Variants in CTDSPL observed in about 807,000 individuals in gnomAD.
CTDSPL encodes CTD small phosphatase like.
CTDSPL carries 8 observed loss-of-function variants against 30.5 expected under a neutral mutation model. The observed-to-expected ratio is 0.26, with a 90% CI of 0.15 to 0.47. The LOEUF is 0.47. CTDSPL is among the 20% of genes least tolerant of loss of function. CTDSPL has a pLI of 0.99. For missense variants in CTDSPL, 248 were observed against 366.1 expected (o/e 0.68, Z 2.63); for synonymous variants, 110 against 137.9 (o/e 0.80, Z 1.42).
intron 7 of CTDSPL, among the ~76,000 whole-genome samples, chr3:37,976,714 A>G (rs1216722769): frequency 6.6e-6 from 1 of 152,130 alleles, no homozygotes; most frequent in Non-Finnish European, 1.5e-5. Context: ...CATGATGTCT[A>G]AAAAGCACCC....
intron 1 of CTDSPL, among the ~76,000 whole-genome samples, chr3:37,890,709 G>A (rs559651547): frequency 1.3e-5 from 2 of 152,278 alleles, no homozygotes; most frequent in African/African-American, 4.8e-5. Context: ...TCCAGGCTCC[G>A]TGCTCTGAGG....
intron 1 of CTDSPL, among the ~76,000 whole-genome samples, chr3:37,876,468 T>G (rs190452086): frequency 1.3e-5 from 2 of 152,198 alleles, no homozygotes; most frequent in East Asian, 3.9e-4. Context: ...TGCATCCTTG[T>G]CAGCACTTGA....
intron 1 of CTDSPL, among the ~76,000 whole-genome samples, chr3:37,880,899 A>T (rs1185510351): frequency 6.6e-6 from 1 of 152,132 alleles, no homozygotes; most frequent in African/African-American, 2.4e-5. Context: ...TTAGTGGCTT[A>T]TGGACCCTCT....
At chr3:37,965,411 G>A (rs1206693447) in intron 4 of CTDSPL, among the ~76,000 whole-genome samples, 1 of 151,980 alleles carries the variant, frequency 6.6e-6, no homozygotes, top group East Asian at 1.9e-4. Context: ...TTTTTTTGAC[G>A]TGAAATAAAT....
chr3:37,926,977 C>T (rs555514149), intron 1 of CTDSPL, among the ~76,000 whole-genome samples: 2 of 152,216 alleles, frequency 1.3e-5, no homozygotes, highest in African/African-American at 2.4e-5. Flanking sequence ...CATCATTGGG[C>T]GAAGTCTGGG....
chr3:37,975,627 T>A lies in CTDSPL; in HGVS notation c.520-82T>A. The A allele has an allele frequency of 1.6e-6, 2 of 1,263,238 alleles. No individual in the cohort carries two copies. The highest frequency in any genetic ancestry group is 2.2e-6 in the Non-Finnish European group (2 of 913,564). 78.3% of individuals were successfully genotyped at this position (1,263,238 alleles called of 1,614,324 possible). A position where few individuals can be genotyped will look rare whatever the true frequency, so the allele number is the denominator to read the frequency against. Reference sequence around the variant, plus strand: ...TTATTAAATCCATTTTTAAAAAACGTAATCTGGATCTTGCTGCTGTAGTTC... The same window carrying A: ...TTATTAAATCCATTTTTAAAAAACGAAATCTGGATCTTGCTGCTGTAGTTC... On this transcript the variant is annotated intron_variant, in intron 6 of 7. Coordinates refer to ENST00000273179, the MANE Select transcript of CTDSPL (RefSeq NM_001008392.2). The surrounding 1 kb of genome is among the most constrained non-coding windows in gnomAD (Gnocchi z 4.9).
intron 1 of CTDSPL, among the ~76,000 whole-genome samples, chr3:37,931,351 G>A (rs565783788): frequency 2.0e-5 from 3 of 152,030 alleles, no homozygotes; most frequent in South Asian, 4.2e-4. Flanking sequence ...GTCTCACTGT[G>A]TTTCCCAGGC....
At chr3:37,970,798 T>C (rs1259421874) in intron 5 of CTDSPL, among the ~76,000 whole-genome samples, 1 of 152,168 alleles carries the variant, frequency 6.6e-6, no homozygotes, top group Non-Finnish European at 1.5e-5. Flanking sequence ...ATAGCGATGG[T>C]TTCACATCCC....
Position 37,914,873 on chromosome 3 carries a change from C to CTTTTTTTTTTT in CTDSPL, c.80-32169_80-32159dup, listed in dbSNP as rs11304152. Among the ~76,000 whole-genome samples, 6 of 51,280 alleles carry CTTTTTTTTTTT rather than the reference C, an allele frequency of 1.2e-4. 1 individual carries two copies. Among genetic ancestry groups the CTTTTTTTTTTT allele is most frequent in the Admixed American group, 3.0e-4 (1 of 3,368 alleles). 33.6% of individuals were successfully genotyped at this position (51,280 alleles called of 152,430 possible). A position where few individuals can be genotyped will look rare whatever the true frequency, so the allele number is the denominator to read the frequency against. ...AGAGTTTATATAAGATATATATGTT[C>CTTTTTTTTTTT]TTTTTTTTTTTTTTTTTTTTTTTTT... is the stretch of plus-strand genomic sequence containing the variant. On this transcript the variant is annotated intron_variant, in intron 1 of 7. Transcript: ENST00000273179.
intron 2 of CTDSPL, among the ~76,000 whole-genome samples, chr3:37,956,240 T>A (rs1403030011): frequency 6.6e-6 from 1 of 152,210 alleles, no homozygotes; most frequent in African/African-American, 2.4e-5. Context: ...TTGCGAGCCA[T>A]CAGGTTTGGC....
chr3:37,968,226 GA>G, intron 5 of CTDSPL: 1 of 461,516 alleles, frequency 2.2e-6, no homozygotes, highest in Non-Finnish European at 4.3e-6. Context: ...CAGGCAACAG[GA>G]AAATGCCACA....
chr3:37,926,152 G>C (rs1698779121), intron 1 of CTDSPL, among the ~76,000 whole-genome samples: 1 of 152,170 alleles, frequency 6.6e-6, no homozygotes, highest in African/African-American at 2.4e-5. Flanking sequence ...GAGGCCATGG[G>C]AAAGTCACAG....
In CTDSPL at chr3:37,964,640, TTAG is replaced by T. The variant is rs1337589762; in HGVS notation, c.338_340del (p.Leu113_Asp114delinsTyr). Reference sequence around the variant, plus strand: ...TGGAAAGAAATGTGTGGTCATTGATTTAGATGAAACATTGGTGCACAGTTCGTT... The same window carrying T: ...TGGAAAGAAATGTGTGGTCATTGATTATGAAACATTGGTGCACAGTTCGTT... On this transcript the variant is annotated inframe_deletion, in exon 4 of 8. Transcript: ENST00000273179. 6.2e-7 allele frequency: 1 copy of T among 1,613,878 alleles called. No homozygotes were observed. The highest frequency in any genetic ancestry group is 8.5e-7 in the Non-Finnish European group (1 of 1,179,916).
intron 1 of CTDSPL, among the ~76,000 whole-genome samples, chr3:37,918,288 C>T (rs867641696): frequency 6.6e-6 from 1 of 152,084 alleles, no homozygotes; most frequent in Non-Finnish European, 1.5e-5. Flanking sequence ...TCAGGAAATT[C>T]TGCAAAGTCT....
intron 2 of CTDSPL, among the ~76,000 whole-genome samples, chr3:37,951,946 G>T (rs1699114765): frequency 1.3e-5 from 2 of 152,184 alleles, no homozygotes; most frequent in Admixed American, 1.3e-4. Flanking sequence ...CATCAGATTG[G>T]TTTGACAAAT....
intron 1 of CTDSPL, among the ~76,000 whole-genome samples, chr3:37,897,606 A>G (rs944420389): frequency 6.6e-6 from 1 of 152,256 alleles, no homozygotes; most frequent in African/African-American, 2.4e-5. Context: ...ATCCCAAACA[A>G]TGTATTGAAC....
intron 1 of CTDSPL, among the ~76,000 whole-genome samples, chr3:37,864,571 A>T (rs1175398711): frequency 6.6e-6 from 1 of 152,174 alleles, no homozygotes; most frequent in Non-Finnish European, 1.5e-5. Flanking sequence ...TCACTTTAAA[A>T]AATGGAAATA....
chr3:37,969,224 C>T (rs561498530), intron 5 of CTDSPL, among the ~76,000 whole-genome samples: 4 of 152,258 alleles, frequency 2.6e-5, no homozygotes, highest in East Asian at 1.9e-4. Context: ...CTTTGTACCA[C>T]GTGACTGTAA....
chr3:37,952,938 C>G (rs1444381933), intron 2 of CTDSPL, among the ~76,000 whole-genome samples: 4 of 152,182 alleles, frequency 2.6e-5, no homozygotes, highest in Non-Finnish European at 5.9e-5. Context: ...TGTTCTGTGG[C>G]ACTATCCAAC....
Sources: allele counts gnomAD v4.1 joint callset (sites outside exome capture counted in the v4.1 genomes callset), GRCh38; gene constraint gnomAD v4.1.1; non-coding constraint Gnocchi (gnomAD v3.1); transcripts MANE v1.5; gene names NCBI Gene and HGNC (gene_info 2026-07-23, HGNC 2026-07-21).